PAN3: variants seen among roughly 807,000 people sequenced by gnomAD.
The protein encoded by PAN3 is poly(A) specific ribonuclease subunit PAN3.
Under a neutral mutation model 96.2 loss-of-function variants are expected in PAN3, and 19 were observed. The ratio of observed to expected loss-of-function variants is 0.20; its 90% CI spans 0.14 to 0.29. The LOEUF (loss-of-function observed/expected upper bound fraction) is 0.29, where lower values mean the gene tolerates loss of function less well. Among genes scored for constraint, PAN3 ranks in the 10% least tolerant of loss-of-function variants. PAN3 has a pLI of 1.00. For missense variants in PAN3, 882 were observed against 1,108.1 expected (o/e 0.80, Z 2.90); for synonymous variants, 433 against 406.6 (o/e 1.06, Z -0.78).
At chr13:28,210,706 G>A (rs1224778459) in intron 5 of PAN3, among the ~76,000 whole-genome samples, 1 of 151,824 alleles carries the variant, frequency 6.6e-6, no homozygotes, top group Non-Finnish European at 1.5e-5. Context: ...GGCCATATTT[G>A]TATGTGCTTG....
intron 4 of PAN3, among the ~76,000 whole-genome samples, chr13:28,196,872 T>C (rs1162496329): frequency 6.6e-6 from 1 of 152,196 alleles, no homozygotes; most frequent in Non-Finnish European, 1.5e-5. Flanking sequence ...GCAAAGCATT[T>C]TTCTTTGCTG....
chr13:28,200,298 T>G (rs1878545410), intron 5 of PAN3, among the ~76,000 whole-genome samples: 1 of 152,252 alleles, frequency 6.6e-6, no homozygotes, highest in Non-Finnish European at 1.5e-5. Flanking sequence ...TTTTTCCTTG[T>G]GCTTCATCTT....
At chr13:28,220,158 A>G in intron 5 of PAN3, 73 bp from the exon 6 acceptor site, 1 of 1,407,586 alleles carries the variant, frequency 7.1e-7, no homozygotes. Context: ...AGCACTGTGG[A>G]ATATGCCTAG....
chr13:28,239,765 C>G (rs916346940), intron 6 of PAN3: 2 of 933,392 alleles, frequency 2.1e-6, no homozygotes, highest in African/African-American at 3.4e-5. Flanking sequence ...TAAGGGGTTG[C>G]TGTTGTGAAA....
At chr13:28,216,151 G>A (rs760345853) in intron 5 of PAN3, among the ~76,000 whole-genome samples, 23 of 149,598 alleles carry the variant, frequency 1.5e-4, no homozygotes, top group Non-Finnish European at 3.1e-4. Flanking sequence ...CAACTTGACC[G>A]AAATTCTGTC....
intron 1 of PAN3, among the ~76,000 whole-genome samples, chr13:28,168,009 A>G (rs372679770): frequency 1.6e-4 from 24 of 152,316 alleles, no homozygotes; most frequent in African/African-American, 5.5e-4. Context: ...TTCTACATAC[A>G]GGCACTAATG....
intron 5 of PAN3, among the ~76,000 whole-genome samples, chr13:28,217,113 CAAAAAAAAA>C (rs59698303): frequency 1.7e-5 from 2 of 115,134 alleles, no homozygotes; most frequent in African/African-American, 6.0e-5. Context: ...AACTCTGTCT[CAAAAAAAAA>C]AAAAATGATA....
At chr13:28,216,199 GA>G (rs35775689) in intron 5 of PAN3, among the ~76,000 whole-genome samples, 77 of 133,666 alleles carry the variant, frequency 5.8e-4, no homozygotes, top group Admixed American at 7.4e-4. Context: ...AGTTTAGTGA[GA>G]AAAAAAAAAA....
At chr13:28,150,315 T>C (rs1464999716) in intron 1 of PAN3, among the ~76,000 whole-genome samples, 5 of 152,074 alleles carry the variant, frequency 3.3e-5, no homozygotes, top group Non-Finnish European at 5.9e-5. Flanking sequence ...TCCTCAGATA[T>C]GATATATATT....
At chr13:28,277,594 G>A (rs1170282934) in intron 15 of PAN3, among the ~76,000 whole-genome samples, 1 of 152,106 alleles carries the variant, frequency 6.6e-6, no homozygotes, top group African/African-American at 2.4e-5. Flanking sequence ...TGGTTAAAGG[G>A]CACCCAGTAG....
In PAN3 at chr13:28,161,552, T is replaced by C. The variant is rs532336242; in HGVS notation, c.431-12720T>C. On this transcript the variant is annotated intron_variant, in intron 1 of 18. Transcript: ENST00000380958. ...ATTCAAATGAGGTCACATTCCAAGGTACAGGGGATTAAGACTTCAGCATAG... is the reference window on the plus strand; with the variant it reads ...ATTCAAATGAGGTCACATTCCAAGGCACAGGGGATTAAGACTTCAGCATAG... 6.6e-5 allele frequency among the ~76,000 whole-genome samples: 10 copies of C among 152,276 alleles called. No homozygotes were observed. In the South Asian group the frequency reaches 1.7e-3, roughly 25 times the overall value.
chr13:28,144,976 C>T (rs550694971), intron 1 of PAN3, among the ~76,000 whole-genome samples: 2 of 151,980 alleles, frequency 1.3e-5, no homozygotes, highest in African/African-American at 2.4e-5. Flanking sequence ...CCTCAGCCTC[C>T]GAAAGCGCTG....
chr13:28,268,995 C>G (rs1319606409), intron 12 of PAN3, among the ~76,000 whole-genome samples: 1 of 152,076 alleles, frequency 6.6e-6, no homozygotes, highest in Non-Finnish European at 1.5e-5. Flanking sequence ...ATAGTTGTTG[C>G]TCAAATTTAT....
chr13:28,246,492 T>G (rs1327793946), intron 6 of PAN3, among the ~76,000 whole-genome samples: 1 of 152,160 alleles, frequency 6.6e-6, no homozygotes, highest in Non-Finnish European at 1.5e-5. Context: ...TTGTTAACTG[T>G]AGTCACCTCC....
chr13:28,279,223 G>A (rs1358153592), intron 15 of PAN3, among the ~76,000 whole-genome samples: 1 of 152,084 alleles, frequency 6.6e-6, no homozygotes, highest in Non-Finnish European at 1.5e-5. Context: ...CTGTTCTAAT[G>A]ATAGAAGAAA....
At chr13:28,246,671 G>T (rs1884226884) in intron 6 of PAN3, among the ~76,000 whole-genome samples, 1 of 152,100 alleles carries the variant, frequency 6.6e-6, no homozygotes, top group Non-Finnish European at 1.5e-5. Context: ...GTGAGAACAT[G>T]CAGTGTTTAT....
chr13:28,155,281 C>CAT (rs952019617), intron 1 of PAN3, among the ~76,000 whole-genome samples: 1 of 151,948 alleles, frequency 6.6e-6, no homozygotes, highest in African/African-American at 2.4e-5. Flanking sequence ...TGCTAGGTAT[C>CAT]ATATAGATGT....
At chr13:28,195,041 C>T (rs1877847551) in intron 4 of PAN3, among the ~76,000 whole-genome samples, 1 of 151,996 alleles carries the variant, frequency 6.6e-6, no homozygotes, top group South Asian at 2.1e-4. Flanking sequence ...AAAAATGTTC[C>T]CTATGCTATA....
chr13:28,168,356 G>A (rs114168402), intron 1 of PAN3, among the ~76,000 whole-genome samples: 281 of 152,250 alleles, frequency 1.8e-3, no homozygotes, highest in African/African-American at 6.3e-3. Context: ...ATTCTGGAGC[G>A]TTTTTGGTTC....
Sources: gnomAD v4.1 joint callset for allele counts (sites outside exome capture counted in the v4.1 genomes callset) on GRCh38, gnomAD v4.1.1 for gene constraint, MANE v1.5 for transcripts, NCBI Gene and HGNC (gene_info 2026-07-23, HGNC 2026-07-21) for gene names.